The following PFDN4 variants were observed in gnomAD, a reference collection of about 807,000 sequenced individuals.
PFDN4 encodes prefoldin subunit 4.
In PFDN4, 6 loss-of-function variants were observed where a neutral mutation model predicts 17.6. That is an observed-to-expected ratio of 0.34 (90% confidence interval 0.19 to 0.67). The LOEUF (loss-of-function observed/expected upper bound fraction) is 0.67, where lower values mean the gene tolerates loss of function less well. Among genes scored for constraint, PFDN4 ranks in the 30% least tolerant of loss-of-function variants. The probability of loss-of-function intolerance (pLI) is 0.68; values close to 1 mark genes in which losing one functional copy is unlikely to be tolerated. For missense variants in PFDN4, 119 were observed against 158.4 expected, an observed-to-expected ratio of 0.75 and a Z score of 1.33; for synonymous variants, 48 against 51.1, an observed-to-expected ratio of 0.94 and a Z score of 0.26.
At chr20:54,218,209 G>A (rs978983031) in intron 3 of PFDN4, among the ~76,000 whole-genome samples, 1 of 144,350 alleles carries the variant, frequency 6.9e-6, no homozygotes, top group Non-Finnish European at 1.5e-5. Context: ...AAGAGTATAT[G>A]TTAAAATTTA....
At chr20:54,212,200 A>G (rs867025108) in intron 1 of PFDN4, among the ~76,000 whole-genome samples, 55 of 152,102 alleles carry the variant, frequency 3.6e-4, no homozygotes, top group African/African-American at 1.3e-3. Flanking sequence ...CTCACCAAAA[A>G]AAAAAAAAAA....
chr20:54,216,797 C>T (rs1226565010), intron 3 of PFDN4, among the ~76,000 whole-genome samples: 2 of 152,064 alleles, frequency 1.3e-5, no homozygotes, highest in Non-Finnish European at 2.9e-5. Flanking sequence ...GCTGGGATTA[C>T]AGGCGCCCAC....
At chr20:54,216,644 TTTTA>T (rs556892830) in intron 3 of PFDN4, among the ~76,000 whole-genome samples, 183 of 151,936 alleles carry the variant, frequency 1.2e-3, no homozygotes, top group Middle Eastern at 3.4e-3. Flanking sequence ...TTTTATTTTA[TTTTA>T]TTTATTTATT....
intron 3 of PFDN4, among the ~76,000 whole-genome samples, chr20:54,216,536 C>T (rs1208728646): frequency 6.6e-6 from 1 of 152,006 alleles, no homozygotes; most frequent in Non-Finnish European, 1.5e-5. Flanking sequence ...ATTTGTTTAA[C>T]CATTTAAAAA....
rs147281877 is a variant in PFDN4, at chr20:54,208,730, A to G, written c.24+606A>G. On this transcript the variant is annotated intron_variant, in intron 1 of 3. Coordinates refer to ENST00000371419, the MANE Select transcript of PFDN4 (RefSeq NM_002623.4). ...CCCCTGAGTCCTTCAGGCTAAAACC[A>G]GTATTTATTGAGAATGGAAGATGTG... 674 of 152,422 alleles carry G rather than the reference A, an allele frequency of 4.4e-3. 6 individuals are homozygous for G. The highest frequency in any genetic ancestry group is 8.1e-3 in the Admixed American group (124 of 15,312). 9.4% of individuals were successfully genotyped at this position (152,422 alleles called of 1,614,324 possible).
chr20:54,215,204 G>A (rs1215917787), intron 2 of PFDN4, 96 bp from the exon 3 acceptor site: 1 of 771,878 alleles, frequency 1.3e-6, no homozygotes, highest in Admixed American at 2.4e-5. Flanking sequence ...TTTGTGAGAG[G>A]GTCCCTCAGA....
At chr20:54,213,736 T>C (rs554592639) in intron 1 of PFDN4, among the ~76,000 whole-genome samples, 11 of 152,234 alleles carry the variant, frequency 7.2e-5, no homozygotes, top group Non-Finnish European at 1.3e-4. Context: ...AAGTACTCTT[T>C]ATTTGCAAAT....
At chr20:54,212,305 ACTGACAT>A (rs2092756994) in intron 1 of PFDN4, among the ~76,000 whole-genome samples, 1 of 152,222 alleles carries the variant, frequency 6.6e-6, no homozygotes, top group South Asian at 2.1e-4. Context: ...CATCAAAGGC[ACTGACAT>A]CTTACTGTCT....
chr20:54,219,566 AT>A lies in PFDN4; in HGVS notation c.*419del. The A allele has an allele frequency of 2.5e-6, 1 of 393,568 alleles. No homozygotes were observed. The highest frequency in any genetic ancestry group is 4.5e-6 in the Non-Finnish European group (1 of 223,760). 24.4% of individuals were successfully genotyped at this position (393,568 alleles called of 1,614,324 possible). ...GATGTACAATCCTGCATCCTTGCTT[AT>A]TTCACAACTAAAGCTTTGTCATAGA... On this transcript the variant is annotated 3_prime_UTR_variant, in exon 4 of 4. Transcript: ENST00000371419.
intron 1 of PFDN4, 33 bp from the exon 2 acceptor site, chr20:54,214,318 A>G (rs1231228079): frequency 8.3e-7 from 1 of 1,200,206 alleles, no homozygotes; most frequent in African/African-American, 1.5e-5. Flanking sequence ...CTTCTCCGTT[A>G]AAATTTTACA....
intron 1 of PFDN4, 69 bp downstream of exon 1, chr20:54,208,193 G>T (rs2092750596): frequency 7.3e-7 from 1 of 1,372,920 alleles, no homozygotes; most frequent in Non-Finnish European, 9.7e-7. Flanking sequence ...GCCCGGGCGC[G>T]GGATGCTGGG....
intron 1 of PFDN4, among the ~76,000 whole-genome samples, chr20:54,209,639 G>T (rs996938983): frequency 2.0e-5 from 3 of 152,220 alleles, no homozygotes; most frequent in Admixed American, 6.5e-5. Context: ...GATACTAGTT[G>T]TGGTTCACTC....
intron 2 of PFDN4, 87 bp downstream of exon 2, chr20:54,214,545 C>G (rs188343566): frequency 2.6e-5 from 16 of 624,938 alleles, no homozygotes; most frequent in Middle Eastern, 3.7e-4. Context: ...ATATATATTT[C>G]TCTGGGCTGT....
chr20:54,218,859 C>G (rs2092766089), intron 3 of PFDN4, among the ~76,000 whole-genome samples, 160 bp from the exon 4 acceptor site: 4 of 152,140 alleles, frequency 2.6e-5, no homozygotes, highest in Non-Finnish European at 5.9e-5. Context: ...ATTAAAAATG[C>G]CCACATTCAG....
chr20:54,213,135 G>A (rs1046644552), intron 1 of PFDN4, among the ~76,000 whole-genome samples: 1 of 152,228 alleles, frequency 6.6e-6, no homozygotes, highest in Non-Finnish European at 1.5e-5. Flanking sequence ...CAGGGATGGA[G>A]TGTGAATGTT....
Position 54,219,773 on chromosome 20 carries a change from C to T in PFDN4, c.*623C>T, listed in dbSNP as rs957972729. On this transcript the variant is annotated 3_prime_UTR_variant, in exon 4 of 4. Transcript: ENST00000371419. ...CAAACAGGGCAGAACCACAGAAGAA[C>T]GTTTTAGAAACCAAGAGATGTGCAG... 18 of 398,050 alleles carry T rather than the reference C, an allele frequency of 4.5e-5. No homozygotes were observed. In the East Asian group the frequency reaches 5.4e-4, roughly 12 times the overall value. The allele number at this position is 398,050 out of a possible 1,614,324, so 24.7% of individuals were successfully genotyped here.
intron 1 of PFDN4, 51 bp from the exon 2 acceptor site, chr20:54,214,300 A>C: frequency 1.1e-6 from 1 of 916,076 alleles, no homozygotes; most frequent in Non-Finnish European, 1.7e-6. Flanking sequence ...TAAAAAGCTA[A>C]CTGATAACTT....
intron 3 of PFDN4, among the ~76,000 whole-genome samples, chr20:54,217,730 T>C (rs536513909): frequency 6.6e-6 from 1 of 152,320 alleles, no homozygotes; most frequent in South Asian, 2.1e-4. Context: ...AATGACTTTC[T>C]AGTGTCTTAT....
At chr20:54,218,197 CAA>C (rs1020427773) in intron 3 of PFDN4, among the ~76,000 whole-genome samples, 15 of 130,558 alleles carry the variant, frequency 1.1e-4, no homozygotes, top group Admixed American at 1.1e-3. Context: ...TTTTTTAAAA[CAA>C]AGAGTATATG....
Sources: gnomAD v4.1 joint callset for allele counts (sites outside exome capture counted in the v4.1 genomes callset) on GRCh38, gnomAD v4.1.1 for gene constraint, MANE v1.5 for transcripts, NCBI Gene and HGNC (gene_info 2026-07-23, HGNC 2026-07-21) for gene names.